CLIP2: variants seen among roughly 807,000 people sequenced by gnomAD.
CLIP2 encodes the protein CAP-Gly domain containing linker protein 2.
CLIP2 carries 41 observed loss-of-function variants against 111.7 expected under a neutral mutation model. The ratio of observed to expected loss-of-function variants is 0.37; its 90% CI spans 0.29 to 0.48. The LOEUF (loss-of-function observed/expected upper bound fraction) is 0.48. Ranked by LOEUF, CLIP2 falls within the 20% of genes least tolerant of loss-of-function variation. CLIP2 has a pLI of 0.99. For missense variants in CLIP2, 1,160 were observed against 1,422.1 expected (o/e 0.82, Z 2.96); for synonymous variants, 660 against 644.2 (o/e 1.02, Z -0.37).
Position 74,338,463 on chromosome 7 carries a change from A to G in CLIP2, c.137A>G (p.Lys46Arg). 2.5e-6 allele frequency: 4 copies of G among 1,612,876 alleles called. No homozygotes were observed. Among genetic ancestry groups the G allele is most frequent in the Non-Finnish European group, 3.4e-6 (4 of 1,179,780 alleles). Residue 46 changes from lysine (K) to arginine (R), a missense_variant, in exon 3 of 17, where the codon AAA (lysine) becomes AGA (arginine). Physicochemically the swap from Lys to Arg is conservative, Grantham distance 26. Transcript: ENST00000223398. This position sits in a 1 kb window ranked among gnomAD's most constrained non-coding sequence, Gnocchi z 4.3. ...TTCTCTGCAGGCTCCCCACTGCACAAACAGTCATCTGGACCCTCCTCCTCC... is the reference window on the plus strand; with the variant it reads ...TTCTCTGCAGGCTCCCCACTGCACAGACAGTCATCTGGACCCTCCTCCTCC... ...ASSKEGSPLH[K>R]QSSGPSSSPA...
In CLIP2 at chr7:74,380,866, G is replaced by A. The variant is rs1554313777; in HGVS notation, c.2479+3G>A. On this transcript the variant is annotated splice_donor_region_variant and intron_variant, in intron 11 of 16. Transcript: ENST00000223398. ...CAGGACGAAGGAAACTGTGGAGGGT[G>A]AGTGGCCACCAGGCCGGGCGGGACT... 2 of 1,613,668 alleles carry A rather than the reference G, an allele frequency of 1.2e-6. No individual in the cohort carries two copies. Among genetic ancestry groups the A allele is most frequent in the African/African-American group, 2.7e-5 (2 of 74,944 alleles).
chr7:74,321,880 C>A (rs1788964429), intron 2 of CLIP2, among the ~76,000 whole-genome samples: 1 of 151,986 alleles, frequency 6.6e-6, no homozygotes, highest in Non-Finnish European at 1.5e-5. Flanking sequence ...CACTCACTCA[C>A]CCAGAGCCGC....
rs533402202 is a variant in CLIP2, at chr7:74,344,088, G to A, written c.678+5084G>A. On this transcript the variant is annotated intron_variant, in intron 3 of 16. Transcript: ENST00000223398. ...CCAGCCCAGATTGCTCCCTGGATTG[G>A]GGAGCAGTAGGTTTAACCCTAGTTT... Among the ~76,000 whole-genome samples, 88 of 152,258 alleles carry A rather than the reference G, an allele frequency of 5.8e-4. 1 individual carries two copies. In the South Asian group the frequency reaches 0.018, roughly 31 times the overall value.
Position 74,358,227 on chromosome 7 carries a change from T to C in CLIP2, c.1215+750T>C, listed in dbSNP as rs547473413. Among the ~76,000 whole-genome samples, 5 of 151,952 alleles carry C rather than the reference T, an allele frequency of 3.3e-5. No homozygotes were observed. In the East Asian group the frequency reaches 5.8e-4, roughly 18 times the overall value. On this transcript the variant is annotated intron_variant, in intron 6 of 16. Transcript: ENST00000223398. ...TACCAAACCAGGCTAATTTTTGTAT[T>C]TTAAGTAGAGATGGGGTTTCACCCT... is the stretch of plus-strand genomic sequence containing the variant.
chr7:74,357,451 G>T lies in CLIP2; in HGVS notation c.1189G>T (p.Ala397Ser), dbSNP rs782290367. 11 of 1,613,670 alleles carry T rather than the reference G, an allele frequency of 6.8e-6. No homozygotes were observed. In the African/African-American group the frequency reaches 1.3e-4, roughly 20 times the overall value. ...CATCTGCGAGGTGGAGAAGGAGATT[G>T]CCCTGCTCAAGGCACAGCATGAGCA... is the stretch of plus-strand genomic sequence containing the variant. ...SHICEVEKEI[A>S]LLKAQHEQYV... The change falls in exon 6 of 17, where the codon GCC becomes TCC. Residue 397 changes from alanine (A) to serine (S), a missense_variant. By Grantham distance (99) the Ala-to-Ser change is moderately conservative. Transcript: ENST00000223398.
intron 1 of CLIP2, among the ~76,000 whole-genome samples, chr7:74,296,117 T>C (rs1414029667): frequency 1.3e-5 from 2 of 151,986 alleles, no homozygotes; most frequent in Non-Finnish European, 1.5e-5. Context: ...AAAAGGACAT[T>C]TGGACACAGG....
intron 8 of CLIP2, among the ~76,000 whole-genome samples, chr7:74,371,695 A>G: frequency 7.2e-6 from 1 of 138,178 alleles, no homozygotes; most frequent in Admixed American, 7.2e-5. Context: ...GGGGGGGAGA[A>G]AGAAGAGAGA....
At position 74,375,874 on chromosome 7, in the gene CLIP2, T is replaced by C. The variant is rs1181654176; in HGVS notation, c.1486-13T>C. On this transcript the variant is annotated splice_polypyrimidine_tract_variant and intron_variant, in intron 9 of 16. Coordinates refer to ENST00000223398, the MANE Select transcript of CLIP2 (RefSeq NM_003388.5). ...GCCAGCCCGCTGATCCCTGTCTCCC[T>C]CTCTCCCCACAGCTGACCACAGTGG... is the stretch of plus-strand genomic sequence containing the variant. The C allele has an allele frequency of 2.7e-6, 4 of 1,499,514 alleles. No individual in the cohort carries two copies. Among genetic ancestry groups the C allele is most frequent in the Non-Finnish European group, 3.6e-6 (4 of 1,122,366 alleles). The allele number at this position is 1,499,514 out of a possible 1,614,324, so 92.9% of individuals were successfully genotyped here.
At chr7:74,298,619 G>A (rs891892150) in intron 1 of CLIP2, among the ~76,000 whole-genome samples, 2 of 151,454 alleles carry the variant, frequency 1.3e-5, no homozygotes, top group Non-Finnish European at 2.9e-5. Flanking sequence ...TGCGGCCTCC[G>A]CCTCCTGGGT....
Position 74,401,525 on chromosome 7 carries a change from T to G in CLIP2, c.3087T>G (p.Ser1029=). The change falls in exon 16 of 17, where the codon TCT becomes TCG. Residue 1029 remains serine, a synonymous_variant. Transcript: ENST00000223398. ...TCCAGACCATCGGCAATTCCGGTTCTGCAAACGGCATCCACCAGCAGGACA... is the reference window on the plus strand; with the variant it reads ...TCCAGACCATCGGCAATTCCGGTTCGGCAAACGGCATCCACCAGCAGGACA... The part of the protein sequence containing the change: ...DKAQTIGNSG[S]ANGIHQQDKA... The G allele has an allele frequency of 6.2e-7, 1 of 1,614,134 alleles. No individual in the cohort carries two copies. Among genetic ancestry groups the G allele is most frequent in the South Asian group, 1.1e-5 (1 of 91,062 alleles).
Position 74,375,837 on chromosome 7 carries a change from T to TCCAGCCAG in CLIP2, c.1486-39_1486-32dup, listed in dbSNP as rs558176511. The stretch of plus-strand genomic sequence containing the variant: ...CCCCACCATTGTGCCCTCCTTACCT[T>TCCAGCCAG]CCAGCCAGCCAGCCAGCCCGCTGAT... On this transcript the variant is annotated intron_variant, in intron 9 of 16. Transcript: ENST00000223398. 1,757 of 1,444,894 alleles carry TCCAGCCAG rather than the reference T, an allele frequency of 1.2e-3. 15 individuals carry two copies. In the African/African-American group the frequency reaches 0.02, roughly 17 times the overall value. The allele number at this position is 1,444,894 out of a possible 1,614,324, so 89.5% of individuals were successfully genotyped here. A position where few individuals can be genotyped will look rare whatever the true frequency, so the allele number is the denominator to read the frequency against.
intron 2 of CLIP2, among the ~76,000 whole-genome samples, chr7:74,321,075 G>A (rs1279483537): frequency 6.6e-6 from 1 of 152,140 alleles, no homozygotes; most frequent in African/African-American, 2.4e-5. Context: ...CCTGCTGTGT[G>A]ACCCTGGGAG....
At chr7:74,364,992 GTTGTGTGTGTGTGTGT>G in intron 8 of CLIP2, 2 of 307,682 alleles carry the variant, frequency 6.5e-6, no homozygotes, top group Admixed American at 3.5e-5. Flanking sequence ...CCTGTTTTTT[GTTGTGTGTGTGTGTGT>G]GTGTGTGTGT....
At chr7:74,374,743 C>A (rs560646467) in intron 9 of CLIP2, among the ~76,000 whole-genome samples, 1 of 152,004 alleles carries the variant, frequency 6.6e-6, no homozygotes, top group Non-Finnish European at 1.5e-5. Context: ...AACCAAAAAA[C>A]AAAACAATAA....
chr7:74,328,488 C>G (rs1387064213), intron 2 of CLIP2, among the ~76,000 whole-genome samples: 5 of 151,978 alleles, frequency 3.3e-5, no homozygotes, highest in African/African-American at 1.2e-4. Flanking sequence ...GGCTCATGTT[C>G]TGGGGGTGTG....
intron 3 of CLIP2, among the ~76,000 whole-genome samples, chr7:74,340,883 G>A (rs1175758717): frequency 2.0e-5 from 3 of 152,074 alleles, no homozygotes; most frequent in Non-Finnish European, 4.4e-5. Flanking sequence ...ACCCGAGGTG[G>A]GGAGCACAGG....
At chr7:74,314,276 A>G (rs1788713680) in intron 1 of CLIP2, among the ~76,000 whole-genome samples, 1 of 152,004 alleles carries the variant, frequency 6.6e-6, no homozygotes, top group South Asian at 2.1e-4. Flanking sequence ...GGATCACTTA[A>G]GGTCAGGCGT....
At chr7:74,369,841 C>T (rs1554311533) in intron 8 of CLIP2, among the ~76,000 whole-genome samples, 1 of 27,514 alleles carries the variant, frequency 3.6e-5, no homozygotes, top group African/African-American at 1.2e-4. Flanking sequence ...AGTAACAGAG[C>T]GAGACTCTGC....
chr7:74,344,836 C>G (rs1789758382), intron 3 of CLIP2, among the ~76,000 whole-genome samples: 1 of 152,082 alleles, frequency 6.6e-6, no homozygotes, highest in Non-Finnish European at 1.5e-5. Context: ...GAAAGCAGTC[C>G]CACCTGAAGG....
Sources: allele counts gnomAD v4.1 joint callset (sites outside exome capture counted in the v4.1 genomes callset), GRCh38; gene constraint gnomAD v4.1.1; non-coding constraint Gnocchi (gnomAD v3.1); transcripts MANE v1.5; gene names NCBI Gene and HGNC (gene_info 2026-07-23, HGNC 2026-07-21).